Variants in USP34 observed in about 807,000 individuals in gnomAD.
USP34 encodes ubiquitin specific peptidase 34.
USP34 carries 70 observed loss-of-function variants against 460.3 expected under a neutral mutation model. That is an observed-to-expected ratio of 0.15 (90% CI 0.13 to 0.19). USP34 has a LOEUF of 0.19. Among genes scored for constraint, USP34 ranks in the 10% least tolerant of loss-of-function variants. The pLI, the probability that USP34 is intolerant of heterozygous loss-of-function variation, is 1.00. For synonymous variants in USP34, 1,647 were observed against 1,405.3 expected, an observed-to-expected ratio of 1.17 and a Z score of -3.85; for missense variants, 3,985 against 4,236.2, an observed-to-expected ratio of 0.94 and a Z score of 1.65.
chr2:61,276,595 T>C (rs552553603), intron 41 of USP34, among the ~76,000 whole-genome samples: 4 of 152,298 alleles, frequency 2.6e-5, no homozygotes, highest in South Asian at 2.1e-4. Context: ...AAAATTATTT[T>C]TTCTTAACAA....
At chr2:61,312,329 G>A (rs948062113) in intron 25 of USP34, among the ~76,000 whole-genome samples, 2 of 151,792 alleles carry the variant, frequency 1.3e-5, no homozygotes, top group African/African-American at 2.4e-5. Flanking sequence ...GAAACATTCT[G>A]GTAAATATAT....
At chr2:61,376,420 TG>T (rs1326495125) in intron 8 of USP34, among the ~76,000 whole-genome samples, 2 of 152,350 alleles carry the variant, frequency 1.3e-5, no homozygotes, top group East Asian at 3.9e-4. Context: ...CATTTGTTAT[TG>T]GAATTCCTTC....
At chr2:61,454,186 G>A (rs950420092) in intron 1 of USP34, among the ~76,000 whole-genome samples, 3 of 151,984 alleles carry the variant, frequency 2.0e-5, no homozygotes, top group Non-Finnish European at 2.9e-5. Flanking sequence ...ACCCAGGGGT[G>A]TGATCTCAGC....
At chr2:61,382,018 G>GGGTCATTATTT (rs1692989555) in intron 6 of USP34, among the ~76,000 whole-genome samples, 1 of 152,024 alleles carries the variant, frequency 6.6e-6, no homozygotes, top group Non-Finnish European at 1.5e-5. Context: ...ATAATGACCA[G>GGGTCATTATTT]TATTATTGAT....
chr2:61,250,608 C>G (rs923707105), intron 48 of USP34: 1 of 156,330 alleles, frequency 6.4e-6, no homozygotes, highest in Non-Finnish European at 1.4e-5. Flanking sequence ...TGGCTGACAA[C>G]CTCCACCAGC....
Position 61,294,929 on chromosome 2 carries a change from A to G in USP34, c.4461+20T>C, listed in dbSNP as rs963529418. 5.7e-6 allele frequency: 9 copies of G among 1,589,928 alleles called. No individual in the cohort carries two copies. The African/African-American group carries it at 1.2e-4, about 22-fold the overall frequency. The stretch of plus-strand genomic sequence containing the variant: ...ATAAATTATTTTTATCAATACATTG[A>G]AAAACACATATGATCAAACCTTGCA... On this transcript the variant is annotated intron_variant, in intron 32 of 79. Coordinates refer to ENST00000398571, the MANE Select transcript of USP34 (RefSeq NM_014709.4).
intron 15 of USP34, among the ~76,000 whole-genome samples, chr2:61,345,265 C>G (rs923262842): frequency 7.2e-6 from 1 of 139,224 alleles, no homozygotes; most frequent in African/African-American, 2.6e-5. Context: ...CAGAGTGTGA[C>G]TGTGTTTAAA....
chr2:61,222,347 T>A (rs948591980), intron 65 of USP34, among the ~76,000 whole-genome samples: 2 of 152,250 alleles, frequency 1.3e-5, no homozygotes, highest in African/African-American at 4.8e-5. Context: ...TTAGGATATA[T>A]GTTCCCAATC....
chr2:61,259,004 A>G (rs1039142809), intron 44 of USP34, among the ~76,000 whole-genome samples: 1 of 152,170 alleles, frequency 6.6e-6, no homozygotes, highest in Non-Finnish European at 1.5e-5. Flanking sequence ...TCACACCTGT[A>G]ATCCCAACAC....
At chr2:61,314,107 G>A (rs1690674459) in intron 25 of USP34, among the ~76,000 whole-genome samples, 1 of 151,174 alleles carries the variant, frequency 6.6e-6, no homozygotes, top group Non-Finnish European at 1.5e-5. Flanking sequence ...GAATTTTTTG[G>A]TCATGTTTCC....
At chr2:61,328,407 C>A (rs1207194917) in intron 20 of USP34, among the ~76,000 whole-genome samples, 1 of 150,304 alleles carries the variant, frequency 6.7e-6, no homozygotes, top group Non-Finnish European at 1.5e-5. Context: ...AATCTTTTTC[C>A]CCCCTCGGTG....
intron 2 of USP34, among the ~76,000 whole-genome samples, chr2:61,413,101 A>G (rs183961078): frequency 1.4e-3 from 220 of 152,292 alleles, no homozygotes; most frequent in Admixed American, 3.4e-3. Flanking sequence ...AGAGTAATTA[A>G]GAGTATCAAG....
intron 48 of USP34, among the ~76,000 whole-genome samples, chr2:61,255,726 C>T (rs768310310): frequency 6.6e-6 from 1 of 152,148 alleles, no homozygotes; most frequent in Non-Finnish European, 1.5e-5. Flanking sequence ...ATGATAAAAT[C>T]TTGTACCATC....
intron 1 of USP34, among the ~76,000 whole-genome samples, chr2:61,459,400 C>T (rs1183834771): frequency 3.9e-5 from 6 of 152,156 alleles, no homozygotes; most frequent in Admixed American, 3.9e-4. Context: ...GTATTATCAT[C>T]ACTGTGTTAA....
rs751828241 is a variant in USP34, at chr2:61,266,182, G to A, written c.5434-15C>T. 1.0e-5 allele frequency: 16 copies of A among 1,597,978 alleles called. No homozygotes were observed. The Admixed American group carries it at 1.3e-4, about 13-fold the overall frequency. On this transcript the variant is annotated splice_polypyrimidine_tract_variant and intron_variant, in intron 41 of 79. Coordinates refer to ENST00000398571, the MANE Select transcript of USP34 (RefSeq NM_014709.4). ...CTCAAAAATTCCTGGGGAGTAAAAG[G>A]AAACATGTTATCTAAACTGAGATAT...
intron 1 of USP34, among the ~76,000 whole-genome samples, chr2:61,421,803 G>A (rs971179815): frequency 5.9e-5 from 9 of 151,646 alleles, no homozygotes; most frequent in Non-Finnish European, 7.4e-5. Flanking sequence ...ACACACGCGC[G>A]CGCGCGCACC....
At chr2:61,412,189 CAAA>C (rs10581550) in intron 2 of USP34, among the ~76,000 whole-genome samples, 17 of 92,110 alleles carry the variant, frequency 1.8e-4, no homozygotes, top group East Asian at 2.9e-4. Flanking sequence ...AACTCCATCT[CAAA>C]AAAAAAAAAA....
chr2:61,198,767 G>A (rs559324895), intron 75 of USP34, among the ~76,000 whole-genome samples: 43 of 152,246 alleles, frequency 2.8e-4, no homozygotes, highest in African/African-American at 9.4e-4. Flanking sequence ...TACTTGGGAG[G>A]CTGAGACAGG....
intron 10 of USP34, among the ~76,000 whole-genome samples, chr2:61,358,288 A>C (rs1692167089): frequency 6.6e-6 from 1 of 151,994 alleles, no homozygotes. Context: ...ATAAATGACA[A>C]CCCTTTAGCT....
Sources: allele counts gnomAD v4.1 joint callset (sites outside exome capture counted in the v4.1 genomes callset), GRCh38; gene constraint gnomAD v4.1.1; transcripts MANE v1.5; gene names NCBI Gene and HGNC (gene_info 2026-07-23, HGNC 2026-07-21).